Variants in ZNF529 observed in about 807,000 individuals in gnomAD.
ZNF529 encodes zinc finger protein 529.
ZNF529 carries 11 observed loss-of-function variants against 10.1 expected under a neutral mutation model. The ratio of observed to expected loss-of-function variants is 1.09; its 90% CI spans 0.69 to 1.81. The LOEUF is 1.81. Among genes scored for constraint, ZNF529 ranks in the 40% most tolerant of loss-of-function variants. ZNF529 has a pLI of 0.00. For missense variants in ZNF529, 624 were observed against 666.8 expected (o/e 0.94, Z 0.71); for synonymous variants, 204 against 215.7 (o/e 0.95, Z 0.47).
At chr19:36,597,290 C>T (rs1463159947) in intron 1 of ZNF529, among the ~76,000 whole-genome samples, 2 of 152,134 alleles carry the variant, frequency 1.3e-5, no homozygotes, top group Non-Finnish European at 2.9e-5. Context: ...ATGTGTCCCC[C>T]TCTTTTTTTG....
chr19:36,603,810 C>G (rs1438166623), intron 1 of ZNF529, among the ~76,000 whole-genome samples: 1 of 152,170 alleles, frequency 6.6e-6, no homozygotes. Flanking sequence ...TTTCTGTATT[C>G]ACAATAATTT....
At chr19:36,573,451 C>T (rs1034525918), upstream of ZNF529, 3 of 470,882 alleles carry the variant, frequency 6.4e-6, no homozygotes, top group African/African-American at 2.0e-5. Context: ...GTGCGCAGAC[C>T]CTTGCCATCA....
chr19:36,561,047 G>A (rs1442199186), intron 2 of ZNF529, among the ~76,000 whole-genome samples: 3 of 152,194 alleles, frequency 2.0e-5, no homozygotes, highest in Non-Finnish European at 4.4e-5. Flanking sequence ...GACAATAGGA[G>A]AATGAACCCA....
At chr19:36,601,655 T>A (rs2036925723) in intron 1 of ZNF529, among the ~76,000 whole-genome samples, 1 of 152,172 alleles carries the variant, frequency 6.6e-6, no homozygotes, top group Admixed American at 6.6e-5. Context: ...CTGTTAATAG[T>A]AACTTTGCTA....
intron 4 of ZNF529, 63 bp from the exon 5 acceptor site, chr19:36,548,385 G>T: frequency 7.1e-7 from 1 of 1,409,784 alleles, no homozygotes; most frequent in Non-Finnish European, 9.4e-7. Flanking sequence ...AGAAAGAAGA[G>T]ACAATTTAAG....
intron 2 of ZNF529, among the ~76,000 whole-genome samples, chr19:36,569,589 A>G (rs2036021947): frequency 6.6e-6 from 1 of 151,446 alleles, no homozygotes; most frequent in Non-Finnish European, 1.5e-5. Flanking sequence ...ACATGGTAAA[A>G]CCCTGTCTCT....
intron 1 of ZNF529, among the ~76,000 whole-genome samples, chr19:36,598,750 A>G (rs1600374488): frequency 6.6e-6 from 1 of 152,214 alleles, no homozygotes; most frequent in African/African-American, 2.4e-5. Context: ...AATCACTCCC[A>G]TGGCACATAA....
intron 4 of ZNF529, among the ~76,000 whole-genome samples, chr19:36,550,067 G>A (rs1399151790): frequency 6.6e-6 from 1 of 152,168 alleles, no homozygotes; most frequent in Non-Finnish European, 1.5e-5. Context: ...AGAAGGGAAT[G>A]CCTGAGGAAA....
intron 2 of ZNF529, among the ~76,000 whole-genome samples, chr19:36,570,734 C>A (rs1478511181): frequency 6.6e-6 from 1 of 152,174 alleles, no homozygotes; most frequent in East Asian, 1.9e-4. Flanking sequence ...TTAAAAAATT[C>A]ATTTCAAGTG....
chr19:36,592,368 C>A (rs910492955), intron 1 of ZNF529, among the ~76,000 whole-genome samples: 1 of 148,244 alleles, frequency 6.7e-6, no homozygotes, highest in African/African-American at 2.5e-5. Flanking sequence ...CCAAGGCGGG[C>A]GGACTGCCTG....
chr19:36,562,406 T>G lies in ZNF529; in HGVS notation c.15-6209A>C, dbSNP rs568452824. On this transcript the variant is annotated intron_variant, in intron 2 of 4. Coordinates refer to ENST00000591340, the MANE Select transcript of ZNF529 (RefSeq NM_020951.5). ...CTTTAAAGTTTATGCTGAAATGAGT[T>G]TTAATACTTTGGGGGCTATTGGAGT... 3.9e-5 allele frequency among the ~76,000 whole-genome samples: 6 copies of G among 152,042 alleles called. No individual in the cohort carries two copies. The East Asian group carries it at 1.2e-3, about 30-fold the overall frequency.
chr19:36,572,293 A>G (rs1404653175), intron 2 of ZNF529, 40 bp downstream of exon 2: 1 of 1,547,498 alleles, frequency 6.5e-7, no homozygotes, highest in Non-Finnish European at 8.7e-7. Context: ...GGGAAGAGAA[A>G]ACCAAGGGAC....
rs377484376 is a variant in ZNF529 at position 36,548,058 on chromosome 19, C to G, written c.500G>C (p.Ser167Thr). 2.5e-6 allele frequency: 4 copies of G among 1,613,804 alleles called. No homozygotes were observed. Among genetic ancestry groups the G allele is most frequent in the Non-Finnish European group, 3.4e-6 (4 of 1,179,870 alleles). Residue 167 changes from serine (S) to threonine (T), a missense_variant, in exon 5 of 5, where the codon AGT (serine) becomes ACT (threonine). Coordinates refer to ENST00000591340, the MANE Select transcript of ZNF529 (RefSeq NM_020951.5). ...SLTLPRRTHD[S>T]EKPYEYKEYE... ...TTCCTTGTATTCATAGGGCTTCTCACTGTCATGAGTTCTCCGAGGTAAAGT... is the reference window on the plus strand; with the variant it reads ...TTCCTTGTATTCATAGGGCTTCTCAGTGTCATGAGTTCTCCGAGGTAAAGT...
At chr19:36,572,718 T>TTATCTATCTATC (rs559158988) in intron 1 of ZNF529, among the ~76,000 whole-genome samples, 4 of 151,148 alleles carry the variant, frequency 2.6e-5, no homozygotes, top group African/African-American at 9.8e-5. Context: ...TTTATCTATC[T>TTATCTATCTATC]TATCTATCTA....
intron 2 of ZNF529, among the ~76,000 whole-genome samples, chr19:36,558,915 G>C (rs906102480): frequency 1.2e-4 from 17 of 146,246 alleles, no homozygotes; most frequent in African/African-American, 4.1e-4. Flanking sequence ...AAATATATAA[G>C]AAATTCATTC....
upstream of ZNF529, chr19:36,573,329 G>A (rs1397822642): frequency 5.1e-6 from 2 of 391,982 alleles, no homozygotes; most frequent in African/African-American, 2.1e-5. Context: ...AAGTTCATCC[G>A]CGGCCCTGAG....
chr19:36,563,585 A>G (rs1371565288), intron 2 of ZNF529, among the ~76,000 whole-genome samples: 1 of 152,206 alleles, frequency 6.6e-6, no homozygotes, highest in Non-Finnish European at 1.5e-5. Flanking sequence ...ACAGCTAACC[A>G]GGGAGGTGAA....
At chr19:36,560,099 AAT>A (rs2035625586) in intron 2 of ZNF529, among the ~76,000 whole-genome samples, 2 of 152,116 alleles carry the variant, frequency 1.3e-5, no homozygotes, top group Non-Finnish European at 2.9e-5. Context: ...TCTCTACTGA[AAT>A]AAAAAATTAG....
intron 2 of ZNF529, among the ~76,000 whole-genome samples, chr19:36,569,766 T>C (rs920595866): frequency 1.3e-5 from 2 of 151,878 alleles, no homozygotes; most frequent in Admixed American, 6.6e-5. Context: ...AAGACTCTTG[T>C]TGCAAAACAA....
Sources: gnomAD v4.1 joint callset for allele counts (sites outside exome capture counted in the v4.1 genomes callset) on GRCh38, gnomAD v4.1.1 for gene constraint, MANE v1.5 for transcripts, NCBI Gene and HGNC (gene_info 2026-07-23, HGNC 2026-07-21) for gene names.